ENTPD1: variants seen among roughly 807,000 people sequenced by gnomAD.
The protein encoded by ENTPD1 is ATP diphosphohydrolase.
ENTPD1 carries 33 observed loss-of-function variants against 57.0 expected under a neutral mutation model. The ratio of observed to expected loss-of-function variants is 0.58; its 90% CI spans 0.44 to 0.77. ENTPD1 has a LOEUF of 0.77. ENTPD1 is among the 30% of genes least tolerant of loss of function. The pLI, the probability that ENTPD1 is intolerant of heterozygous loss-of-function variation, is 0.00. For synonymous variants in ENTPD1, 202 were observed against 218.8 expected (o/e 0.92, Z 0.68); for missense variants, 501 against 603.4 (o/e 0.83, Z 1.78).
intron 1 of ENTPD1, among the ~76,000 whole-genome samples, chr10:95,805,415 G>C (rs1224805059): frequency 6.6e-6 from 1 of 152,080 alleles, no homozygotes; most frequent in Non-Finnish European, 1.5e-5. Flanking sequence ...CCTGAATATA[G>C]CACACTGATG....
At chr10:95,857,722 A>G (rs2098457646) in intron 7 of ENTPD1, among the ~76,000 whole-genome samples, 1 of 152,228 alleles carries the variant, frequency 6.6e-6, no homozygotes, top group Non-Finnish European at 1.5e-5. Context: ...GCACTCACAT[A>G]TGCCAAGTGC....
At chr10:95,715,585 T>C (rs553543244) in intron 1 of ENTPD1, among the ~76,000 whole-genome samples, 1 of 152,270 alleles carries the variant, frequency 6.6e-6, no homozygotes, top group African/African-American at 2.4e-5. Context: ...TATTTTGCTA[T>C]TTCCTTTCTA....
chr10:95,827,648 G>A (rs2098382507), intron 2 of ENTPD1, among the ~76,000 whole-genome samples: 1 of 152,016 alleles, frequency 6.6e-6, no homozygotes, highest in Non-Finnish European at 1.5e-5. Flanking sequence ...ACCATGCCCA[G>A]CTAATTTTTG....
intron 1 of ENTPD1, among the ~76,000 whole-genome samples, chr10:95,796,398 T>G (rs1314055017): frequency 2.0e-5 from 3 of 152,106 alleles, no homozygotes; most frequent in African/African-American, 7.2e-5. Context: ...AACTAACAAT[T>G]TGAGCCTCAA....
rs774490525 is a variant in ENTPD1 at position 95,844,616 on chromosome 10, T to C, written c.554T>C (p.Leu185Pro). 6.2e-7 allele frequency: 1 copy of C among 1,614,148 alleles called. No homozygotes were observed. The highest frequency in any genetic ancestry group is 2.2e-5 in the East Asian group (1 of 44,872). Residue 185 changes from leucine to proline, a missense_variant, in exon 5 of 10, where the codon CTG becomes CCG. By Grantham distance (98) the Leu-to-Pro change is moderately conservative. Transcript: ENST00000371205. Reference sequence around the variant, plus strand: ...TATGGCTGGATTACTATCAACTATCTGCTGGGCAAATTCAGTCAGGTGAAT... The same window carrying C: ...TATGGCTGGATTACTATCAACTATCCGCTGGGCAAATTCAGTCAGGTGAAT... ...GAYGWITINY[L>P]LGKFSQKTRW...
upstream of ENTPD1, among the ~76,000 whole-genome samples, chr10:95,709,947 T>C (rs1412079845): frequency 1.3e-5 from 2 of 151,880 alleles, no homozygotes; most frequent in African/African-American, 4.8e-5. Context: ...AGCTAGTTTT[T>C]GTATTTTTAG....
chr10:95,866,148 CACAA>C (rs780800165), intron 9 of ENTPD1, 25 bp from the exon 10 acceptor site: 25 of 1,603,144 alleles, frequency 1.6e-5, no homozygotes, highest in Middle Eastern at 3.3e-4. Flanking sequence ...CTCCTCCAAC[CACAA>C]ACAGACTTTC....
chr10:95,770,234 A>G (rs1050411389), intron 1 of ENTPD1, among the ~76,000 whole-genome samples: 1 of 106,224 alleles, frequency 9.4e-6, no homozygotes, highest in Non-Finnish European at 2.1e-5. Context: ...AGATTGAGAG[A>G]GAGAGAGAGA....
intron 1 of ENTPD1, among the ~76,000 whole-genome samples, chr10:95,810,411 C>A (rs980121989): frequency 3.4e-5 from 5 of 148,404 alleles, no homozygotes; most frequent in African/African-American, 1.0e-4. Context: ...CTGGACAGGG[C>A]GGCTGGGCAG....
intron 8 of ENTPD1, 120 bp from the exon 9 acceptor site, chr10:95,864,604 A>G (rs2098470796): frequency 2.9e-6 from 4 of 1,397,590 alleles, no homozygotes; most frequent in East Asian, 2.3e-5. Context: ...GAAGAGGCCA[A>G]CCTTCAGGTG....
At chr10:95,773,237 A>C (rs946612401) in intron 1 of ENTPD1, among the ~76,000 whole-genome samples, 1 of 152,210 alleles carries the variant, frequency 6.6e-6, no homozygotes, top group African/African-American at 2.4e-5. Context: ...CACTGGGGAT[A>C]AAATTTCAGT....
the ENTPD1 span, chr10:95,694,190 T>A: frequency 2.4e-6 from 1 of 425,356 alleles, no homozygotes. Flanking sequence ...TAGGTGGCGG[T>A]AGGAGTTCGG....
Position 95,873,684 on chromosome 10 carries a change from T to C in ENTPD1, c.*7301T>C. 1.0e-5 allele frequency: 10 copies of C among 985,314 alleles called. No homozygotes were observed. The highest frequency in any genetic ancestry group is 1.2e-5 in the Non-Finnish European group (10 of 829,848). The allele number at this position is 985,314 out of a possible 1,614,324, so 61.0% of individuals were successfully genotyped here. A position where few individuals can be genotyped will look rare whatever the true frequency, so the allele number is the denominator to read the frequency against. On this transcript the variant is annotated 3_prime_UTR_variant, in exon 10 of 10. Transcript: ENST00000371205. Reference sequence around the variant, plus strand: ...TGTTCAATAGTTACATTTAGATTGGTTTTTAAAAACTATGATTGTATTAGT... The same window carrying C: ...TGTTCAATAGTTACATTTAGATTGGCTTTTAAAAACTATGATTGTATTAGT...
In ENTPD1 at chr10:95,874,886, A is replaced by G. The variant is rs113845539; in HGVS notation, c.*8503A>G. Reference sequence around the variant, plus strand: ...CCTCTGAAGCCACAGCCCAAGCTCTATGTTGGCTCCTTTCAGCCATGGCTG... The same window carrying G: ...CCTCTGAAGCCACAGCCCAAGCTCTGTGTTGGCTCCTTTCAGCCATGGCTG... On this transcript the variant is annotated 3_prime_UTR_variant, in exon 10 of 10. Transcript: ENST00000371205. Among the ~76,000 whole-genome samples, 304 of 152,358 alleles carry G rather than the reference A, an allele frequency of 2.0e-3. No homozygotes were observed. The highest frequency in any genetic ancestry group is 6.6e-3 in the African/African-American group (275 of 41,588).
intron 1 of ENTPD1, among the ~76,000 whole-genome samples, chr10:95,779,836 G>A (rs2098149445): frequency 6.6e-6 from 1 of 152,124 alleles, no homozygotes; most frequent in Non-Finnish European, 1.5e-5. Context: ...AAAATACAAT[G>A]TAAATGGGGG....
the ENTPD1 span, among the ~76,000 whole-genome samples, chr10:95,700,681 C>G: frequency 6.6e-6 from 1 of 152,078 alleles, no homozygotes; most frequent in Non-Finnish European, 1.5e-5. Context: ...GAGCAAATCT[C>G]TGTCTCTATT....
chr10:95,847,733 G>A (rs576189561), intron 7 of ENTPD1, 27 bp downstream of exon 7: 1 of 1,614,014 alleles, frequency 6.2e-7, no homozygotes, highest in South Asian at 1.1e-5. Context: ...ATGAGGTATA[G>A]GATGTCTTGT....
chr10:95,740,041 A>C (rs753102516), intron 1 of ENTPD1, among the ~76,000 whole-genome samples: 6 of 152,208 alleles, frequency 3.9e-5, no homozygotes, highest in Non-Finnish European at 7.3e-5. Context: ...AGTTAGCTTA[A>C]AATATTCAGT....
intron 1 of ENTPD1, among the ~76,000 whole-genome samples, chr10:95,770,971 A>C (rs546974659): frequency 1.1e-4 from 17 of 152,272 alleles, no homozygotes; most frequent in African/African-American, 2.9e-4. Flanking sequence ...TAAGAAAATA[A>C]AAATTTGTGT....
Sources: gnomAD v4.1 joint callset for allele counts (sites outside exome capture counted in the v4.1 genomes callset) on GRCh38, gnomAD v4.1.1 for gene constraint, MANE v1.5 for transcripts, NCBI Gene and HGNC (gene_info 2026-07-23, HGNC 2026-07-21) for gene names.